Variants in ZNF320 observed in about 807,000 individuals in gnomAD.
The protein encoded by ZNF320 is zinc finger protein 320.
ZNF320 carries 2 observed loss-of-function variants against 6.8 expected under a neutral mutation model. That is an observed-to-expected ratio of 0.29 (90% confidence interval 0.12 to 0.93). The LOEUF is 0.93. Ranked by LOEUF, ZNF320 falls within the 40% of genes least tolerant of loss-of-function variation. The probability of loss-of-function intolerance (pLI) is 0.55; values close to 1 mark genes in which losing one functional copy is unlikely to be tolerated. For missense variants in ZNF320, 472 were observed against 611.0 expected (o/e 0.77, Z 2.40); for synonymous variants, 208 against 203.2 (o/e 1.02, Z -0.20).
chr19:52,884,586 G>A (rs999232225), intron 5 of ZNF320, among the ~76,000 whole-genome samples: 3 of 152,146 alleles, frequency 2.0e-5, no homozygotes, highest in African/African-American at 7.2e-5. Context: ...CCAAAGTGCT[G>A]GGATTTTAGG....
rs561724873 is a variant in ZNF320 at position 52,885,110 on chromosome 19, G to A, written c.142+3017C>T. ...CCAGCTACTTGAGAGGCTGAGGCAG[G>A]AGAATCACTGGAATTTGGGAAGTGG... is the stretch of plus-strand genomic sequence containing the variant. On this transcript the variant is annotated intron_variant, in intron 5 of 5. Coordinates refer to ENST00000682928, the MANE Select transcript of ZNF320 (RefSeq NM_001351774.2). Among the ~76,000 whole-genome samples the A allele has an allele frequency of 2.0e-5, 3 of 152,248 alleles. No individual in the cohort carries two copies. The East Asian group carries it at 5.8e-4, about 29-fold the overall frequency.
At chr19:52,896,435 A>G (rs2064475145) in intron 1 of ZNF320, among the ~76,000 whole-genome samples, 2 of 152,292 alleles carry the variant, frequency 1.3e-5, no homozygotes, top group African/African-American at 2.4e-5. Flanking sequence ...CAAGGCGGGC[A>G]TGGTGGCTCA....
At chr19:52,871,758 T>G (rs922778752), downstream of ZNF320, among the ~76,000 whole-genome samples, 1 of 152,196 alleles carries the variant, frequency 6.6e-6, no homozygotes, top group East Asian at 1.9e-4. Context: ...GCTGTAGCAA[T>G]GAGATCTGAG....
chr19:52,861,906 G>A, exon 6 of ZNF320: 1 of 353,346 alleles, frequency 2.8e-6, no homozygotes, highest in Non-Finnish European at 5.7e-6. Flanking sequence ...TAAAGACTTT[G>A]CCATAATTAT....
rs1445390796 is a variant in ZNF320, at chr19:52,880,714, C to G, written c.1412G>C (p.Cys471Ser). 6.2e-7 allele frequency: 1 copy of G among 1,613,928 alleles called. No individual in the cohort carries two copies. Among genetic ancestry groups the G allele is most frequent in the East Asian group, 2.2e-5 (1 of 44,868 alleles). Residue 471 changes from cysteine (C) to serine (S), a missense_variant, in exon 6 of 6, where the codon TGT becomes TCT. Physicochemically the swap from Cys to Ser is moderately radical, Grantham distance 112. Coordinates refer to ENST00000682928, the MANE Select transcript of ZNF320 (RefSeq NM_001351774.2). ...ACTAAAGACCTTGCCACACTGATGA[C>G]ATTTGTAAGATTTCTGTCCAGTATG... ...RIHTGQKSYK[C>S]HQCGKVFSLR...
At chr19:52,888,729 A>G (rs1299028177) in intron 4 of ZNF320, among the ~76,000 whole-genome samples, 3 of 152,354 alleles carry the variant, frequency 2.0e-5, no homozygotes, top group African/African-American at 7.2e-5. Flanking sequence ...CTGAAAAAAA[A>G]CTAGATGTTA....
chr19:52,863,000 G>A (rs145910977), exon 6 of ZNF320: 1 of 168,858 alleles, frequency 5.9e-6, no homozygotes, highest in Non-Finnish European at 1.3e-5. Context: ...CTGCTGAAAA[G>A]ACACAAACAA....
At chr19:52,862,113 G>A (rs1057108658) in exon 6 of ZNF320, 14 of 371,758 alleles carry the variant, frequency 3.8e-5, no homozygotes, top group African/African-American at 6.3e-5. Flanking sequence ...TCTTCATTAC[G>A]GATTCTCCAA....
chr19:52,868,423 T>C (rs1199204378), intron 5 of ZNF320, among the ~76,000 whole-genome samples: 1 of 150,960 alleles, frequency 6.6e-6, no homozygotes, highest in Non-Finnish European at 1.5e-5. Flanking sequence ...GGAGAATCGC[T>C]CGAACCCCCG....
At chr19:52,872,783 G>A (rs752788945), downstream of ZNF320, among the ~76,000 whole-genome samples, 61 of 152,244 alleles carry the variant, frequency 4.0e-4, no homozygotes, top group Non-Finnish European at 6.6e-4. Flanking sequence ...TTACAGGCGT[G>A]AGCCACCGCG....
downstream of ZNF320, among the ~76,000 whole-genome samples, chr19:52,872,146 T>C (rs144029130): frequency 5.6e-3 from 852 of 152,260 alleles, 10 homozygotes; most frequent in African/African-American, 0.02. Context: ...AATTGTTCCA[T>C]TGCACTCCAG....
chr19:52,880,803 G>T lies in ZNF320; in HGVS notation c.1323C>A (p.His441Gln), dbSNP rs1319783664. The change falls in exon 6 of 6, where the codon CAC (histidine) becomes CAA (glutamine). Residue 441 changes from histidine to glutamine, a missense_variant. Around this residue, in one of 2 missense-constraint regions of ZNF320, gnomAD observed 462 missense variants for 559.7 expected, o/e 0.83. Transcript: ENST00000682928. The part of the protein sequence containing the change: ...HRRIHTGEKP[H>Q]KCGDCGKAFN... The stretch of plus-strand genomic sequence containing the variant: ...AGGCTTTACCACAATCACCACACTT[G>T]TGAGGTTTCTCTCCTGTATGAATCC... 5.6e-6 allele frequency: 9 copies of T among 1,613,838 alleles called. No homozygotes were observed. Among genetic ancestry groups the T allele is most frequent in the African/African-American group, 1.3e-5 (1 of 74,928 alleles).
chr19:52,899,785 C>T (rs1458415007), upstream of ZNF320, among the ~76,000 whole-genome samples: 1 of 152,166 alleles, frequency 6.6e-6, no homozygotes, highest in East Asian at 1.9e-4. Context: ...TTATCAGAGT[C>T]TCTTGCCGGG....
downstream of ZNF320, among the ~76,000 whole-genome samples, chr19:52,874,401 T>C (rs1315228891): frequency 6.6e-6 from 1 of 152,116 alleles, no homozygotes; most frequent in African/African-American, 2.4e-5. Flanking sequence ...ATCTCAGCTC[T>C]CAACATGGAG....
chr19:52,889,638 C>T (rs1254202787), intron 4 of ZNF320, among the ~76,000 whole-genome samples: 3 of 152,102 alleles, frequency 2.0e-5, no homozygotes, highest in South Asian at 2.1e-4. Context: ...AATGGTCTAA[C>T]GAATCTCCTG....
downstream of ZNF320, among the ~76,000 whole-genome samples, chr19:52,875,951 G>T (rs2063758077): frequency 6.6e-6 from 1 of 152,046 alleles, no homozygotes; most frequent in South Asian, 2.1e-4. Flanking sequence ...CTAGCTATAG[G>T]TGTTTAAAAC....
At chr19:52,874,170 C>T (rs2063726728), downstream of ZNF320, 2 of 217,552 alleles carry the variant, frequency 9.2e-6, no homozygotes, top group South Asian at 1.1e-4. Flanking sequence ...GGGAGAAAGA[C>T]AGCCCTCTGC....
chr19:52,896,127 T>G (rs2064463791), intron 1 of ZNF320, among the ~76,000 whole-genome samples: 1 of 152,168 alleles, frequency 6.6e-6, no homozygotes, highest in African/African-American at 2.4e-5. Context: ...AGTCTCGCTC[T>G]GTCACCCCAG....
chr19:52,873,394 T>G (rs2063714346), downstream of ZNF320, among the ~76,000 whole-genome samples: 3 of 152,238 alleles, frequency 2.0e-5, no homozygotes, highest in South Asian at 6.2e-4. Flanking sequence ...GCATATTGCC[T>G]GCAAGAACTT....
Sources: allele counts gnomAD v4.1 joint callset (sites outside exome capture counted in the v4.1 genomes callset), GRCh38; gene constraint gnomAD v4.1.1; regional missense constraint gnomAD v4.1.1; transcripts MANE v1.5; gene names NCBI Gene and HGNC (gene_info 2026-07-23, HGNC 2026-07-21).